The following SEMA4A variants were observed in gnomAD, a reference collection of about 807,000 sequenced individuals.
SEMA4A encodes the protein semaphorin 4A.
In SEMA4A, 52 loss-of-function variants were observed where a neutral mutation model predicts 72.5. The ratio of observed to expected loss-of-function variants is 0.72; its 90% CI spans 0.57 to 0.90. SEMA4A has a LOEUF of 0.90. Among genes scored for constraint, SEMA4A ranks in the 40% least tolerant of loss-of-function variants. The probability of loss-of-function intolerance (pLI) is 0.00; values close to 1 mark genes in which losing one functional copy is unlikely to be tolerated. For synonymous variants in SEMA4A, 369 were observed against 393.1 expected (o/e 0.94, Z 0.73); for missense variants, 926 against 959.7 (o/e 0.96, Z 0.46).
chr1:156,148,811 T>C (rs1652308123), upstream of SEMA4A, among the ~76,000 whole-genome samples: 2 of 149,764 alleles, frequency 1.3e-5, no homozygotes, highest in Non-Finnish European at 1.5e-5. Context: ...CTTTTTTTTT[T>C]TTTTTTTTGA....
Position 156,158,056 on chromosome 1 carries a change from C to A in SEMA4A, c.301-14C>A. ...ATTTCTTTTCATCTCGCCCTCCCAACTCCCCACTTTCAGATACCGTGGCCA... is the reference window on the plus strand; with the variant it reads ...ATTTCTTTTCATCTCGCCCTCCCAAATCCCCACTTTCAGATACCGTGGCCA... On this transcript the variant is annotated splice_polypyrimidine_tract_variant and intron_variant, in intron 3 of 14. Transcript: ENST00000368285. 1 of 1,614,066 alleles carries A rather than the reference C, an allele frequency of 6.2e-7. No homozygotes were observed. Among genetic ancestry groups the A allele is most frequent in the Non-Finnish European group, 8.5e-7 (1 of 1,179,962 alleles).
At chr1:156,173,891 C>T (rs944726182) in intron 11 of SEMA4A, among the ~76,000 whole-genome samples, 9 of 152,036 alleles carry the variant, frequency 5.9e-5, no homozygotes, top group African/African-American at 1.9e-4. Context: ...GGGTGGATCA[C>T]CTGAGGTCAG....
At chr1:156,148,583 A>G (rs1652276386), upstream of SEMA4A, among the ~76,000 whole-genome samples, 1 of 152,156 alleles carries the variant, frequency 6.6e-6, no homozygotes, top group South Asian at 2.1e-4. Context: ...TAAAAATACT[A>G]TGAAGTCTGG....
intron 14 of SEMA4A, 82 bp from the exon 15 acceptor site, chr1:156,176,323 T>G (rs1572431880): frequency 1.1e-5 from 11 of 1,017,422 alleles, no homozygotes; most frequent in Non-Finnish European, 1.5e-5. Flanking sequence ...AGGGCTGGGG[T>G]CCAAAGATAG....
At chr1:156,160,409 C>T (rs1418035288) in intron 6 of SEMA4A, 34 bp from the exon 7 acceptor site, 1 of 1,529,500 alleles carries the variant, frequency 6.5e-7, no homozygotes, top group African/African-American at 1.4e-5. Context: ...CCCTCCACCC[C>T]ATCAGTTCTC....
rs1267671319 is a variant in SEMA4A at position 156,176,815 on chromosome 1, C to T, written c.2104C>T (p.Leu702Phe). 1 of 1,614,164 alleles carries T rather than the reference C, an allele frequency of 6.2e-7. No homozygotes were observed. The highest frequency in any genetic ancestry group is 8.5e-7 in the Non-Finnish European group (1 of 1,179,958). Residue 702 changes from leucine to phenylalanine, a missense_variant, in exon 15 of 15, where the codon CTC (leucine) becomes TTC (phenylalanine). Transcript: ENST00000368285. The part of the protein sequence containing the change: ...ALVLSGALII[L>F]VASPLRALRA... Reference sequence around the variant, plus strand: ...AGTGCTTTCAGGAGCCCTCATCATCCTCGTGGCCTCCCCATTGAGAGCACT... The same window carrying T: ...AGTGCTTTCAGGAGCCCTCATCATCTTCGTGGCCTCCCCATTGAGAGCACT...
At chr1:156,148,595 G>A (rs184048084), upstream of SEMA4A, among the ~76,000 whole-genome samples, 51 of 152,252 alleles carry the variant, frequency 3.3e-4, no homozygotes, top group Admixed American at 3.3e-3. Flanking sequence ...GAAGTCTGGC[G>A]GAGCCATGCT....
chr1:156,154,534 G>A lies in SEMA4A; in HGVS notation c.-29-16G>A. 6.3e-7 allele frequency: 1 copy of A among 1,592,962 alleles called. No individual in the cohort carries two copies. Among genetic ancestry groups the A allele is most frequent in the East Asian group, 2.2e-5 (1 of 44,552 alleles). ...AACTGCTCACCCAGAAAGTGCCCGG[G>A]TGCCTGTTTCCCCAGAGCTCCCTGG... On this transcript the variant is annotated splice_polypyrimidine_tract_variant and intron_variant, in intron 1 of 14. Transcript: ENST00000368285.
intron 11 of SEMA4A, among the ~76,000 whole-genome samples, 188 bp from the exon 12 acceptor site, chr1:156,174,634 G>A (rs911871629): frequency 2.6e-5 from 4 of 152,164 alleles, no homozygotes; most frequent in African/African-American, 7.2e-5. Flanking sequence ...AGGGGTCCAA[G>A]GGATTTTAGT....
At chr1:156,161,109 C>T (rs1653580607) in intron 8 of SEMA4A, 80 bp downstream of exon 8, 5 of 1,522,026 alleles carry the variant, frequency 3.3e-6, no homozygotes, top group Non-Finnish European at 2.7e-6. Context: ...GAGTGGTGGG[C>T]CCCCAGTGAG....
intron 6 of SEMA4A, among the ~76,000 whole-genome samples, chr1:156,159,231 G>A (rs1653351931): frequency 6.6e-6 from 1 of 152,118 alleles, no homozygotes; most frequent in Admixed American, 6.5e-5. Flanking sequence ...CTACTCGGGA[G>A]GCTGAGTCAC....
At chr1:156,166,109 G>A (rs1654134243) in intron 10 of SEMA4A, among the ~76,000 whole-genome samples, 1 of 151,960 alleles carries the variant, frequency 6.6e-6, no homozygotes, top group Non-Finnish European at 1.5e-5. Context: ...GTTTCACCAT[G>A]TTGCCCAGGC....
chr1:156,158,571 C>A, intron 5 of SEMA4A, 85 bp downstream of exon 5: 1 of 1,360,096 alleles, frequency 7.4e-7, no homozygotes, highest in Non-Finnish European at 1.1e-6. Flanking sequence ...CTCTGGAAAA[C>A]TCTGGCCTTC....
At chr1:156,147,559 G>C (rs1652210605), upstream of SEMA4A, 1 of 152,232 alleles carries the variant, frequency 6.6e-6, no homozygotes, top group Non-Finnish European at 1.5e-5. Flanking sequence ...AATGCAGGGG[G>C]TGGTCCTCTG....
intron 10 of SEMA4A, among the ~76,000 whole-genome samples, chr1:156,170,325 G>A (rs373969463): frequency 2.0e-5 from 3 of 151,964 alleles, no homozygotes; most frequent in East Asian, 3.9e-4. Context: ...TTAGCTGGGC[G>A]TGGTGGCGGG....
intron 9 of SEMA4A, 63 bp downstream of exon 9, chr1:156,161,581 T>A: frequency 6.3e-7 from 1 of 1,581,984 alleles, no homozygotes; most frequent in South Asian, 1.1e-5. Context: ...AGGCCCCAGC[T>A]CGTGAGCGGA....
intron 11 of SEMA4A, among the ~76,000 whole-genome samples, chr1:156,173,538 C>T (rs1655006408): frequency 1.3e-5 from 2 of 152,058 alleles, no homozygotes; most frequent in South Asian, 4.2e-4. Context: ...GGATAAGTGG[C>T]AGGTAAAGTT....
chr1:156,159,027 G>C, intron 6 of SEMA4A: 1 of 335,160 alleles, frequency 3.0e-6, no homozygotes, highest in South Asian at 3.1e-5. Flanking sequence ...CAGCGAGATC[G>C]TCTCAAAAAA....
chr1:156,154,343 A>G (rs182927065), intron 1 of SEMA4A: 2 of 589,368 alleles, frequency 3.4e-6, no homozygotes, highest in South Asian at 4.0e-5. Flanking sequence ...CCCATAGGGG[A>G]CAGTGAGGTG....
Sources: allele counts gnomAD v4.1 joint callset (sites outside exome capture counted in the v4.1 genomes callset), GRCh38; gene constraint gnomAD v4.1.1; transcripts MANE v1.5; gene names NCBI Gene and HGNC (gene_info 2026-07-23, HGNC 2026-07-21).